Variants in CALN1 observed in about 807,000 individuals in gnomAD.
CALN1 encodes calneuron 1, also known as calcium-binding protein 8.
CALN1 carries 17 observed loss-of-function variants against 30.6 expected under a neutral mutation model. The observed-to-expected ratio is 0.56, with a 90% confidence interval of 0.38 to 0.83. The LOEUF (loss-of-function observed/expected upper bound fraction) is 0.83, where lower values mean the gene tolerates loss of function less well. Among genes scored for constraint, CALN1 ranks in the 40% least tolerant of loss-of-function variants. The probability of loss-of-function intolerance (pLI) is 0.00; values close to 1 mark genes in which losing one functional copy is unlikely to be tolerated. For missense variants in CALN1, 291 were observed against 354.9 expected (o/e 0.82, Z 1.45); for synonymous variants, 156 against 131.4 (o/e 1.19, Z -1.28).
chr7:71,834,547 T>G (rs896407337), intron 5 of CALN1, among the ~76,000 whole-genome samples: 1 of 152,118 alleles, frequency 6.6e-6, no homozygotes, highest in Non-Finnish European at 1.5e-5. Context: ...TGTTCTGAGA[T>G]GTAAAAGTGT....
intron 5 of CALN1, among the ~76,000 whole-genome samples, chr7:71,962,880 A>T (rs6980199): frequency 0.46 from 70,468 of 152,022 alleles, 16,807 homozygotes; most frequent in East Asian, 0.81. Flanking sequence ...GGAAAAATGA[A>T]ATCAGAAGAG....
chr7:72,403,203 G>A (rs1806457094), intron 2 of CALN1, 48 bp downstream of exon 2: 2 of 1,469,150 alleles, frequency 1.4e-6, no homozygotes, highest in Non-Finnish European at 9.2e-7. Context: ...CCCTACCTGA[G>A]GGCTGCCAAA....
chr7:71,937,291 C>G (rs2129521605), intron 5 of CALN1, among the ~76,000 whole-genome samples: 1 of 151,570 alleles, frequency 6.6e-6, no homozygotes, highest in South Asian at 2.1e-4. Flanking sequence ...GCCTGGGCAA[C>G]AAGAGTGAAA....
intron 1 of CALN1, among the ~76,000 whole-genome samples, chr7:72,404,673 T>A (rs770448345): frequency 3.9e-5 from 6 of 152,136 alleles, no homozygotes; most frequent in Non-Finnish European, 7.3e-5. Context: ...CTCTTTCTAC[T>A]CTCTCGATTC....
At chr7:72,275,775 G>C (rs1420494852) in intron 3 of CALN1, among the ~76,000 whole-genome samples, 1 of 152,148 alleles carries the variant, frequency 6.6e-6, no homozygotes. Context: ...GCATTTCAGT[G>C]CTTCTCAAGC....
At chr7:72,319,746 C>T (rs546291480) in intron 2 of CALN1, among the ~76,000 whole-genome samples, 1 of 152,054 alleles carries the variant, frequency 6.6e-6, no homozygotes, top group East Asian at 1.9e-4. Context: ...TGTGGTGAGG[C>T]TGGGGTGAGA....
the CALN1 span, among the ~76,000 whole-genome samples, chr7:72,459,174 G>C: frequency 6.6e-6 from 1 of 151,956 alleles, no homozygotes; most frequent in Non-Finnish European, 1.5e-5. Context: ...AAAGTGCTGG[G>C]ATTACAGGCA....
chr7:72,021,508 A>G (rs1296561602), intron 5 of CALN1, among the ~76,000 whole-genome samples: 1 of 152,116 alleles, frequency 6.6e-6, no homozygotes, highest in Admixed American at 6.6e-5. Flanking sequence ...GCAAGTGTCA[A>G]GTCATAACTG....
At chr7:72,039,189 A>T (rs186799754) in intron 4 of CALN1, among the ~76,000 whole-genome samples, 2 of 152,242 alleles carry the variant, frequency 1.3e-5, no homozygotes, top group Non-Finnish European at 1.5e-5. Flanking sequence ...AAAATTAAAC[A>T]GTGAATTCAG....
At position 72,140,336 on chromosome 7, in the gene CALN1, A is replaced by G. The variant is rs369478977; in HGVS notation, c.245-34042T>C. ...GAGAGGAACAGAGAAAGGGAGAAGG[A>G]AGGAAGGGAGGGAGGGAGGGAGGGA... On this transcript the variant is annotated intron_variant, in intron 3 of 6. Transcript: ENST00000395275. Among the ~76,000 whole-genome samples the G allele has an allele frequency of 7.6e-3, 582 of 76,432 alleles. 5 individuals carry two copies. Among genetic ancestry groups the G allele is most frequent in the East Asian group, 0.011 (22 of 1,916 alleles). The allele number at this position is 76,432 out of a possible 152,430, so 50.1% of individuals were successfully genotyped here.
At chr7:72,326,238 G>A (rs1801267741) in intron 2 of CALN1, among the ~76,000 whole-genome samples, 1 of 152,146 alleles carries the variant, frequency 6.6e-6, no homozygotes, top group South Asian at 2.1e-4. Context: ...TACAAACTCA[G>A]ATCCTGATCG....
chr7:72,470,312 G>C, the CALN1 span, among the ~76,000 whole-genome samples: 156 of 152,296 alleles, frequency 1.0e-3, no homozygotes, highest in African/African-American at 3.5e-3. Flanking sequence ...AGGATGCTGA[G>C]GCAGGAGGAT....
intron 2 of CALN1, among the ~76,000 whole-genome samples, chr7:72,309,494 G>A (rs1185483427): frequency 6.6e-6 from 1 of 152,118 alleles, no homozygotes; most frequent in Non-Finnish European, 1.5e-5. Context: ...AGGTGCTACA[G>A]AAAAGAATAG....
At chr7:72,063,082 C>G (rs533410803) in intron 4 of CALN1, among the ~76,000 whole-genome samples, 2 of 152,074 alleles carry the variant, frequency 1.3e-5, no homozygotes, top group South Asian at 4.2e-4. Context: ...TGAACTTAGA[C>G]ACAAAGACAT....
chr7:72,038,357 C>T (rs1216982392), intron 4 of CALN1, among the ~76,000 whole-genome samples: 4 of 150,666 alleles, frequency 2.7e-5, no homozygotes, highest in Non-Finnish European at 4.4e-5. Flanking sequence ...ATTACTTTTG[C>T]ACCAACCTAG....
intron 5 of CALN1, among the ~76,000 whole-genome samples, chr7:71,890,834 C>T (rs1793201605): frequency 6.9e-6 from 1 of 144,626 alleles, no homozygotes; most frequent in Admixed American, 7.4e-5. Flanking sequence ...CAGCCGGAAA[C>T]TCCCCAGGTT....
chr7:71,956,990 A>T (rs1796993591), intron 5 of CALN1, among the ~76,000 whole-genome samples: 1 of 151,926 alleles, frequency 6.6e-6, no homozygotes, highest in Non-Finnish European at 1.5e-5. Context: ...GAGCCACCAC[A>T]CCCAGCCCTA....
intron 2 of CALN1, among the ~76,000 whole-genome samples, chr7:72,358,090 C>G (rs1297583627): frequency 6.6e-6 from 1 of 151,810 alleles, no homozygotes; most frequent in African/African-American, 2.4e-5. Flanking sequence ...CTCCTGAGCT[C>G]AAGTGATCCT....
chr7:71,997,152 G>A (rs1799292442), intron 5 of CALN1, among the ~76,000 whole-genome samples: 1 of 152,088 alleles, frequency 6.6e-6, no homozygotes, highest in African/African-American at 2.4e-5. Flanking sequence ...AGGATGGCTT[G>A]AGCCCAGGAT....
Sources: allele counts gnomAD v4.1 joint callset (sites outside exome capture counted in the v4.1 genomes callset), GRCh38; gene constraint gnomAD v4.1.1; transcripts MANE v1.5; gene names NCBI Gene and HGNC (gene_info 2026-07-23, HGNC 2026-07-21).